The following RTN1 variants were observed in gnomAD, a reference collection of about 807,000 sequenced individuals.
RTN1 encodes the protein reticulon-1.
A neutral mutation model predicts 65.5 loss-of-function variants in RTN1; 25 were observed. The observed-to-expected ratio is 0.38, with a 90% CI of 0.28 to 0.53. The LOEUF (loss-of-function observed/expected upper bound fraction) is 0.53, where lower values mean the gene tolerates loss of function less well. RTN1 is among the 20% of genes least tolerant of loss of function. RTN1 has a pLI of 0.79. For missense variants in RTN1, 983 were observed against 1,025.4 expected (o/e 0.96, Z 0.57); for synonymous variants, 471 against 447.6 (o/e 1.05, Z -0.66).
intron 1 of RTN1, among the ~76,000 whole-genome samples, chr14:59,853,620 C>A (rs891427210): frequency 2.6e-5 from 4 of 152,142 alleles, no homozygotes; most frequent in African/African-American, 9.7e-5. Context: ...AGGGTTGAAA[C>A]AAGTATTCCC....
intron 1 of RTN1, among the ~76,000 whole-genome samples, chr14:59,808,032 T>G (rs1301823315): frequency 6.6e-6 from 1 of 152,166 alleles, no homozygotes; most frequent in Non-Finnish European, 1.5e-5. Flanking sequence ...GATTATAAAT[T>G]ATCTCTCTTC....
chr14:59,852,016 A>C (rs1194292207), intron 1 of RTN1, among the ~76,000 whole-genome samples: 1 of 152,242 alleles, frequency 6.6e-6, no homozygotes, highest in Admixed American at 6.5e-5. Context: ...AAATAGGAAC[A>C]GTTCTCTAAC....
intron 3 of RTN1, among the ~76,000 whole-genome samples, chr14:59,664,459 A>G (rs1883321995): frequency 6.6e-6 from 1 of 152,198 alleles, no homozygotes; most frequent in South Asian, 2.1e-4. Flanking sequence ...CATTACTTCA[A>G]GTATAATAAA....
At chr14:59,770,034 A>G (rs1263193101) in intron 1 of RTN1, among the ~76,000 whole-genome samples, 1 of 152,158 alleles carries the variant, frequency 6.6e-6, no homozygotes, top group Non-Finnish European at 1.5e-5. Context: ...TATAGTTGAC[A>G]CTACATATGG....
intron 8 of RTN1, among the ~76,000 whole-genome samples, chr14:59,600,268 G>A (rs1279453004): frequency 6.6e-6 from 1 of 152,126 alleles, no homozygotes; most frequent in East Asian, 1.9e-4. Context: ...ATCGGATGAT[G>A]ATGATGATGA....
chr14:59,746,087 G>T lies in RTN1; in HGVS notation c.636C>A (p.His212Gln), dbSNP rs769959164. ...CCAAGTCTTTATCTTCCAGCTCGGG[G>T]TGATGTTGTTCTTGGTGCTTCACCT... ...PEEVKHQEQH[H>Q]PELEDKDLDF... Residue 212 changes from histidine (H) to glutamine (Q), a missense_variant, in exon 2 of 9, where the codon CAC becomes CAA. His to Gln is a conservative substitution (Grantham distance 24). This residue lies in a region of RTN1 where 818 missense variants were observed against 801.8 expected (regional missense o/e 1.02). Transcript: ENST00000267484. The T allele has an allele frequency of 1.9e-6, 3 of 1,613,968 alleles. No individual in the cohort carries two copies. Among genetic ancestry groups the T allele is most frequent in the Admixed American group, 1.7e-5 (1 of 59,986 alleles).
chr14:59,700,517 G>C (rs1884155548), intron 3 of RTN1, among the ~76,000 whole-genome samples: 1 of 152,172 alleles, frequency 6.6e-6, no homozygotes, highest in Non-Finnish European at 1.5e-5. Context: ...ACTAGCATAA[G>C]TCTAGACAAT....
chr14:59,650,011 C>A (rs1882988720), intron 3 of RTN1, among the ~76,000 whole-genome samples: 1 of 152,118 alleles, frequency 6.6e-6, no homozygotes, highest in Admixed American at 6.6e-5. Context: ...AAATGCCTGG[C>A]AATGATAGGC....
At chr14:59,856,902 T>A (rs1380925529) in intron 1 of RTN1, among the ~76,000 whole-genome samples, 1 of 152,194 alleles carries the variant, frequency 6.6e-6, no homozygotes, top group Non-Finnish European at 1.5e-5. Flanking sequence ...CACATAACCC[T>A]GTAAGATAGC....
At chr14:59,647,535 A>G (rs763638770) in intron 3 of RTN1, among the ~76,000 whole-genome samples, 6 of 152,244 alleles carry the variant, frequency 3.9e-5, no homozygotes, top group Admixed American at 2.6e-4. Context: ...TGTAAAGTCA[A>G]CCACACAGTT....
rs553038653 is a variant in RTN1, at chr14:59,774,109, G to A, written c.242-27628C>T. Reference sequence around the variant, plus strand: ...ATCCACATTATGGTAAAGAGTGTCTGTAGTGGACTGACAGTTCCACTTACA... The same window carrying A: ...ATCCACATTATGGTAAAGAGTGTCTATAGTGGACTGACAGTTCCACTTACA... On this transcript the variant is annotated intron_variant, in intron 1 of 8. Transcript: ENST00000267484. The surrounding 1 kb of genome is among the most constrained non-coding windows in gnomAD (Gnocchi z 5.1). Among the ~76,000 whole-genome samples, 3 of 152,266 alleles carry A rather than the reference G, an allele frequency of 2.0e-5. No individual in the cohort carries two copies. Among genetic ancestry groups the A allele is most frequent in the East Asian group, 1.9e-4 (1 of 5,180 alleles).
At chr14:59,662,876 A>G (rs953569271) in intron 3 of RTN1, among the ~76,000 whole-genome samples, 9 of 152,184 alleles carry the variant, frequency 5.9e-5, no homozygotes, top group South Asian at 2.1e-4. Context: ...TATCCTCATC[A>G]AGCTACCATT....
intron 1 of RTN1, among the ~76,000 whole-genome samples, chr14:59,786,510 T>C (rs549458555): frequency 3.5e-4 from 54 of 152,320 alleles, no homozygotes; most frequent in African/African-American, 1.1e-3. Flanking sequence ...CAGTACATAT[T>C]AGTATTATTA....
At chr14:59,642,318 G>T (rs147781117) in intron 3 of RTN1, among the ~76,000 whole-genome samples, 2 of 151,910 alleles carry the variant, frequency 1.3e-5, no homozygotes, top group Admixed American at 1.3e-4. Flanking sequence ...ATTCCTTTTG[G>T]GTTTACTGAG....
chr14:59,670,056 G>T (rs1023323652), intron 3 of RTN1, among the ~76,000 whole-genome samples: 6 of 152,124 alleles, frequency 3.9e-5, no homozygotes, highest in African/African-American at 1.2e-4. Flanking sequence ...CTAAATGAAT[G>T]GGTTGCTATT....
At chr14:59,645,710 G>C (rs924952302) in intron 3 of RTN1, among the ~76,000 whole-genome samples, 6 of 152,198 alleles carry the variant, frequency 3.9e-5, no homozygotes, top group Non-Finnish European at 4.4e-5. Context: ...TAATGGAAAA[G>C]TGTCCATACT....
chr14:59,665,854 A>G (rs1423004714), intron 3 of RTN1, among the ~76,000 whole-genome samples: 1 of 152,230 alleles, frequency 6.6e-6, no homozygotes, highest in Non-Finnish European at 1.5e-5. Context: ...AGGCCATTAT[A>G]TAATGGTAAA....
intron 1 of RTN1, among the ~76,000 whole-genome samples, chr14:59,763,901 A>ACCTAGGTGATG (rs1885799676): frequency 4.6e-5 from 7 of 152,216 alleles, no homozygotes; most frequent in African/African-American, 1.7e-4. Flanking sequence ...CTCCTGGTAC[A>ACCTAGGTGATG]ACCTACCTAG....
intron 1 of RTN1, among the ~76,000 whole-genome samples, chr14:59,858,994 C>T (rs1305381533): frequency 6.6e-6 from 1 of 152,112 alleles, no homozygotes; most frequent in Non-Finnish European, 1.5e-5. Context: ...AAATATGTCA[C>T]ATTATGGACT....
Sources: gnomAD v4.1 joint callset for allele counts (sites outside exome capture counted in the v4.1 genomes callset) on GRCh38, gnomAD v4.1.1 for gene constraint, gnomAD v4.1.1 regional missense constraint, Gnocchi (gnomAD v3.1) non-coding constraint, MANE v1.5 for transcripts, NCBI Gene and HGNC (gene_info 2026-07-23, HGNC 2026-07-21) for gene names.